Variants in PSEN1 observed in about 807,000 individuals in gnomAD.
The protein encoded by PSEN1 is presenilin-1.
PSEN1 carries 15 observed loss-of-function variants against 53.5 expected under a neutral mutation model. That is an observed-to-expected ratio of 0.28 (90% CI 0.19 to 0.43). The LOEUF (loss-of-function observed/expected upper bound fraction) is 0.43. Among genes scored for constraint, PSEN1 ranks in the 20% least tolerant of loss-of-function variants. PSEN1 has a pLI of 1.00. For missense variants in PSEN1, 387 were observed against 571.2 expected, an observed-to-expected ratio of 0.68 and a Z score of 3.29; for synonymous variants, 208 against 209.8, an observed-to-expected ratio of 0.99 and a Z score of 0.08.
At chr14:73,205,428 G>A (rs905188548) in intron 8 of PSEN1, among the ~76,000 whole-genome samples, 9 of 145,792 alleles carry the variant, frequency 6.2e-5, no homozygotes, top group South Asian at 2.2e-4. Context: ...GCAGTGAGCC[G>A]AGATCATGCC....
chr14:73,192,108 G>GA (rs796989470), intron 6 of PSEN1, among the ~76,000 whole-genome samples: 3 of 150,482 alleles, frequency 2.0e-5, no homozygotes, highest in Non-Finnish European at 3.0e-5. Context: ...TTCAGCTTGG[G>GA]AAAAAAAAAG....
chr14:73,156,253 G>A (rs1269835934), intron 3 of PSEN1, among the ~76,000 whole-genome samples: 1 of 152,070 alleles, frequency 6.6e-6, no homozygotes, highest in Admixed American at 6.6e-5. Flanking sequence ...GTACTTGGGA[G>A]GCTGAGGTCG....
At chr14:73,212,088 C>CTTTTCTTTTTTTTTTT (rs1899716021) in intron 10 of PSEN1, 146 bp downstream of exon 10, 1 of 66,914 alleles carries the variant, frequency 1.5e-5, no homozygotes, top group Non-Finnish European at 2.8e-5. Flanking sequence ...AGTAATAGTG[C>CTTTTCTTTTTTTTTTT]TTTTTTTTTT....
intron 1 of PSEN1, 195 bp from the exon 2 acceptor site, chr14:73,147,600 T>C (rs767609242): frequency 1.4e-5 from 3 of 217,186 alleles, no homozygotes; most frequent in Non-Finnish European, 2.8e-5. Flanking sequence ...TTGAAAATGT[T>C]TGGTGTCTCA....
chr14:73,201,769 CAG>C (rs1363031757), intron 8 of PSEN1, among the ~76,000 whole-genome samples: 1 of 152,028 alleles, frequency 6.6e-6, no homozygotes, highest in Non-Finnish European at 1.5e-5. Flanking sequence ...TTTTTTGAAA[CAG>C]AGTCTTGCTC....
chr14:73,190,968 T>A (rs1045296365), intron 6 of PSEN1, among the ~76,000 whole-genome samples: 6 of 152,264 alleles, frequency 3.9e-5, no homozygotes, highest in Non-Finnish European at 7.3e-5. Flanking sequence ...GGGAGAGGAA[T>A]CATCTTTTTG....
chr14:73,154,902 G>C (rs1897314372), intron 3 of PSEN1, among the ~76,000 whole-genome samples: 1 of 152,226 alleles, frequency 6.6e-6, no homozygotes, highest in Non-Finnish European at 1.5e-5. Flanking sequence ...TGCTGAGGTT[G>C]TAGGGAAATA....
At chr14:73,212,456 A>G (rs1191434060) in intron 10 of PSEN1, among the ~76,000 whole-genome samples, 1 of 152,090 alleles carries the variant, frequency 6.6e-6, no homozygotes, top group Non-Finnish European at 1.5e-5. Context: ...ACCTTTTGGC[A>G]TTTATTTTAT....
chr14:73,187,991 T>G (rs554299058), intron 6 of PSEN1, among the ~76,000 whole-genome samples: 1 of 152,128 alleles, frequency 6.6e-6, no homozygotes, highest in South Asian at 2.1e-4. Context: ...TGCAGTGGCA[T>G]GATCTCGGCT....
intron 1 of PSEN1, among the ~76,000 whole-genome samples, chr14:73,144,247 G>A (rs1260057375): frequency 1.3e-5 from 2 of 151,812 alleles, no homozygotes; most frequent in Admixed American, 6.6e-5. Flanking sequence ...TCACCATGTT[G>A]GCCAGGCTGG....
intron 11 of PSEN1, 44 bp downstream of exon 11, chr14:73,217,288 A>G (rs770291603): frequency 1.2e-6 from 2 of 1,609,198 alleles, no homozygotes; most frequent in Non-Finnish European, 1.7e-6. Context: ...CTTAATGTCA[A>G]AACTTTGATT....
chr14:73,211,034 T>C (rs1483488446), intron 9 of PSEN1, among the ~76,000 whole-genome samples: 2 of 152,218 alleles, frequency 1.3e-5, no homozygotes, highest in African/African-American at 4.8e-5. Context: ...GCCACTTTTA[T>C]AATTTTGTCA....
intron 8 of PSEN1, among the ~76,000 whole-genome samples, chr14:73,204,528 T>TA (rs34528538): frequency 0.03 from 4,178 of 138,336 alleles, 193 homozygotes; most frequent in African/African-American, 0.1. Flanking sequence ...TTTTTACATT[T>TA]AAAAAAAAAA....
intron 8 of PSEN1, among the ~76,000 whole-genome samples, chr14:73,199,023 C>T (rs1254189221): frequency 6.6e-6 from 1 of 152,138 alleles, no homozygotes; most frequent in East Asian, 1.9e-4. Context: ...GATCCTCCTG[C>T]CTTGACTTCA....
At chr14:73,171,747 G>A (rs189879430) in intron 4 of PSEN1, among the ~76,000 whole-genome samples, 63 of 152,324 alleles carry the variant, frequency 4.1e-4, no homozygotes, top group African/African-American at 1.4e-3. Flanking sequence ...GGTGGAGCAG[G>A]TAATGGAAAA....
Position 73,219,235 on chromosome 14 carries a change from T to C in PSEN1, c.1350T>C (p.Asp450=), listed in dbSNP as rs1900052077. Residue 450 remains aspartate (D), a synonymous_variant, in exon 12 of 12, where the codon GAT becomes GAC. Coordinates refer to ENST00000324501, the MANE Select transcript of PSEN1 (RefSeq NM_000021.4). ...GGCTTGTTTTCTACTTTGCCACAGA[T>C]TATCTTGTACAGCCTTTTATGGACC... is the stretch of plus-strand genomic sequence containing the variant. ...TFGLVFYFAT[D]YLVQPFMDQL... The C allele has an allele frequency of 1.2e-6, 2 of 1,613,728 alleles. No individual in the cohort carries two copies. The highest frequency in any genetic ancestry group is 3.3e-5 in the Admixed American group (2 of 60,000).
At chr14:73,180,016 A>G (rs1039606954) in intron 5 of PSEN1, among the ~76,000 whole-genome samples, 1 of 124,976 alleles carries the variant, frequency 8.0e-6, no homozygotes, top group Non-Finnish European at 1.8e-5. Flanking sequence ...ACGGAGTCTC[A>G]GTCTCTCGCC....
At chr14:73,205,421 G>C (rs59341951) in intron 8 of PSEN1, among the ~76,000 whole-genome samples, 1 of 149,032 alleles carries the variant, frequency 6.7e-6, no homozygotes, top group Non-Finnish European at 1.5e-5. Context: ...GGAGCTTGCA[G>C]TGAGCCGAGA....
intron 10 of PSEN1, among the ~76,000 whole-genome samples, chr14:73,214,703 C>A (rs1899840884): frequency 6.6e-6 from 1 of 151,926 alleles, no homozygotes; most frequent in Non-Finnish European, 1.5e-5. Flanking sequence ...AAGCTAGTTA[C>A]AAAAAGAAAA....
Sources: allele counts gnomAD v4.1 joint callset (sites outside exome capture counted in the v4.1 genomes callset), GRCh38; gene constraint gnomAD v4.1.1; transcripts MANE v1.5; gene names NCBI Gene and HGNC (gene_info 2026-07-23, HGNC 2026-07-21).